Variants in AUTS2 observed in about 807,000 individuals in gnomAD.
The protein encoded by AUTS2 is activator of transcription and developmental regulator AUTS2.
Under a neutral mutation model 112.4 loss-of-function variants are expected in AUTS2, and 17 were observed. The observed-to-expected ratio is 0.15, with a 90% confidence interval of 0.10 to 0.23. The LOEUF is 0.23. Ranked by LOEUF, AUTS2 falls within the 10% of genes least tolerant of loss-of-function variation. The pLI, the probability that AUTS2 is intolerant of heterozygous loss-of-function variation, is 1.00. For missense variants in AUTS2, 1,510 were observed against 1,701.6 expected, an observed-to-expected ratio of 0.89 and a Z score of 1.98; for synonymous variants, 751 against 702.7, an observed-to-expected ratio of 1.07 and a Z score of -1.09.
At chr7:70,301,664 A>G (rs1789220699) in intron 4 of AUTS2, among the ~76,000 whole-genome samples, 1 of 152,182 alleles carries the variant, frequency 6.6e-6, no homozygotes, top group African/African-American at 2.4e-5. Context: ...TTTAAATTAT[A>G]TGTAGGCTGC....
chr7:69,859,174 CA>C, intron 1 of AUTS2, among the ~76,000 whole-genome samples: 1 of 152,220 alleles, frequency 6.6e-6, no homozygotes, highest in East Asian at 1.9e-4. Context: ...TCAAAGGAAG[CA>C]AAGAGGGTTT....
chr7:69,719,072 G>A (rs1798775699), intron 1 of AUTS2, among the ~76,000 whole-genome samples: 1 of 152,156 alleles, frequency 6.6e-6, no homozygotes, highest in African/African-American at 2.4e-5. Flanking sequence ...ACATGAAATG[G>A]CCTGCCTTGG....
intron 1 of AUTS2, among the ~76,000 whole-genome samples, chr7:69,782,231 T>G (rs918228622): frequency 6.6e-6 from 1 of 151,968 alleles, no homozygotes; most frequent in Non-Finnish European, 1.5e-5. Context: ...GGCGTGGTGG[T>G]GTGTGCCTGT....
chr7:70,767,957 A>ACCTCCAC, intron 9 of AUTS2, 67 bp from the exon 10 acceptor site: 1 of 1,508,812 alleles, frequency 6.6e-7, no homozygotes, highest in East Asian at 2.3e-5. Flanking sequence ...TTGTAGGGCC[A>ACCTCCAC]CCTCCACTGT....
Position 70,354,560 on chromosome 7 carries a change from A to T in AUTS2, c.661-81192A>T, listed in dbSNP as rs369256296. On this transcript the variant is annotated intron_variant, in intron 4 of 18. Transcript: ENST00000342771. ...AAGATGAGCAATTTGAAGACTAAAG[A>T]CTTGAGTAATTAATGCAGCATCACA... Among the ~76,000 whole-genome samples, 17 of 152,286 alleles carry T rather than the reference A, an allele frequency of 1.1e-4. No homozygotes were observed. In the East Asian group the frequency reaches 2.5e-3, roughly 22 times the overall value.
intron 2 of AUTS2, among the ~76,000 whole-genome samples, chr7:69,903,723 C>T (rs1174830399): frequency 4.6e-5 from 7 of 152,124 alleles, no homozygotes; most frequent in Non-Finnish European, 1.0e-4. Context: ...AAGAGGCAAC[C>T]TGTTGAGATT....
chr7:69,773,794 G>GC (rs1318656404), intron 1 of AUTS2, among the ~76,000 whole-genome samples: 1 of 152,208 alleles, frequency 6.6e-6, no homozygotes, highest in Non-Finnish European at 1.5e-5. Context: ...GCGGGGTCCA[G>GC]CCTTATGCTG....
intron 4 of AUTS2, among the ~76,000 whole-genome samples, chr7:70,231,344 A>G (rs1812038041): frequency 6.6e-6 from 1 of 152,268 alleles, no homozygotes; most frequent in Middle Eastern, 3.4e-3. Context: ...GCACCCGTTA[A>G]TCTTTCCTTC....
chr7:70,528,668 T>C (rs1799956520), intron 5 of AUTS2, among the ~76,000 whole-genome samples: 1 of 152,056 alleles, frequency 6.6e-6, no homozygotes, highest in African/African-American at 2.4e-5. Context: ...TCCCAGCTAC[T>C]TGGGAGGCTG....
chr7:70,417,535 G>A lies in AUTS2; in HGVS notation c.661-18217G>A, dbSNP rs145137199. Among the ~76,000 whole-genome samples, 337 of 152,272 alleles carry A rather than the reference G, an allele frequency of 2.2e-3. 6 individuals carry two copies. In the East Asian group the frequency reaches 0.043, roughly 19 times the overall value. ...GACAGGCGAGAGCTTTGCAATGTGC[G>A]CTGTGAAACCCACGCTCTTGGCAGC... On this transcript the variant is annotated intron_variant, in intron 4 of 18. Transcript: ENST00000342771.
intron 4 of AUTS2, among the ~76,000 whole-genome samples, chr7:70,204,155 G>T (rs1810451848): frequency 6.6e-6 from 1 of 151,980 alleles, no homozygotes; most frequent in African/African-American, 2.4e-5. Flanking sequence ...AATCTAAGAG[G>T]AATTTGTTGC....
intron 1 of AUTS2, among the ~76,000 whole-genome samples, chr7:69,858,998 T>TA (rs1350790659): frequency 3.9e-5 from 6 of 152,254 alleles, no homozygotes. Flanking sequence ...ATAGGACTGT[T>TA]ATATTAAACA....
At chr7:70,498,963 C>T (rs1376802147) in intron 5 of AUTS2, among the ~76,000 whole-genome samples, 2 of 152,100 alleles carry the variant, frequency 1.3e-5, no homozygotes, top group Admixed American at 6.5e-5. Flanking sequence ...GGGGCTGGAC[C>T]GAACCTTTGT....
intron 5 of AUTS2, among the ~76,000 whole-genome samples, chr7:70,601,769 G>C (rs1270769460): frequency 6.6e-6 from 1 of 152,110 alleles, no homozygotes; most frequent in African/African-American, 2.4e-5. Flanking sequence ...GATCTCAGGA[G>C]CCCAAGATTT....
At chr7:69,785,280 A>G (rs1010511228) in intron 1 of AUTS2, among the ~76,000 whole-genome samples, 1 of 152,154 alleles carries the variant, frequency 6.6e-6, no homozygotes, top group East Asian at 1.9e-4. Flanking sequence ...GTTTCTCTGG[A>G]TATTCAGACT....
intron 5 of AUTS2, among the ~76,000 whole-genome samples, chr7:70,662,675 G>A (rs1193356092): frequency 1.3e-5 from 2 of 152,178 alleles, no homozygotes; most frequent in African/African-American, 4.8e-5. Context: ...TAGAGGGTAG[G>A]CAGGTGTTAA....
chr7:69,800,873 A>G (rs934411493), intron 1 of AUTS2, among the ~76,000 whole-genome samples: 1 of 152,016 alleles, frequency 6.6e-6, no homozygotes, highest in African/African-American at 2.4e-5. Flanking sequence ...CATTCCTTCT[A>G]TCTGGAGTAC....
At chr7:70,524,682 ACT>A (rs1799771097) in intron 5 of AUTS2, among the ~76,000 whole-genome samples, 2 of 152,106 alleles carry the variant, frequency 1.3e-5, no homozygotes, top group Non-Finnish European at 2.9e-5. Context: ...CTTGACTATT[ACT>A]CCAGTTCATT....
At chr7:69,997,919 G>A (rs1404272588) in intron 2 of AUTS2, among the ~76,000 whole-genome samples, 5 of 152,114 alleles carry the variant, frequency 3.3e-5, no homozygotes, top group African/African-American at 9.7e-5. Flanking sequence ...GTTGAAACTC[G>A]GGGTTTATTA....
Sources: gnomAD v4.1 joint callset for allele counts (sites outside exome capture counted in the v4.1 genomes callset) on GRCh38, gnomAD v4.1.1 for gene constraint, MANE v1.5 for transcripts, NCBI Gene and HGNC (gene_info 2026-07-23, HGNC 2026-07-21) for gene names.